The following DACH2 variants were observed in gnomAD, a reference collection of about 807,000 sequenced individuals.
DACH2 encodes dachshund homolog 2.
Under a neutral mutation model 35.8 loss-of-function variants are expected in DACH2, and 17 were observed. The ratio of observed to expected loss-of-function variants is 0.48; its 90% CI spans 0.33 to 0.71. The LOEUF (loss-of-function observed/expected upper bound fraction) is 0.71. DACH2 is among the 30% of genes least tolerant of loss of function. The pLI is 0.02. For missense variants in DACH2, 469 were observed against 472.7 expected (o/e 0.99, Z 0.07); for synonymous variants, 195 against 177.3 (o/e 1.10, Z -0.79).
At chrX:86,216,980 A>G (rs191915162) in intron 1 of DACH2, among the ~76,000 whole-genome samples, 359 of 109,840 alleles carry the variant, frequency 3.3e-3, no homozygotes, top group Middle Eastern at 9.2e-3. Flanking sequence ...AACCCCAGCT[A>G]CTCAGGAGGC....
At chrX:86,262,122 G>GAA (rs57531083) in intron 1 of DACH2, among the ~76,000 whole-genome samples, 154 of 99,363 alleles carry the variant, frequency 1.5e-3, no homozygotes, top group African/African-American at 4.9e-3. Flanking sequence ...CTCTATAAAA[G>GAA]AAAAAAAAAA....
intron 3 of DACH2, among the ~76,000 whole-genome samples, chrX:86,596,507 C>A (rs1411468545): frequency 9.0e-6 from 1 of 111,451 alleles, no homozygotes; most frequent in African/African-American, 3.3e-5. Context: ...GCCATTTGTA[C>A]ATGTTCTTTG....
At position 86,795,691 on chromosome X, in the gene DACH2, T is replaced by C. The variant is rs147716933; in HGVS notation, c.1241-17165T>C. 3.4e-3 allele frequency among the ~76,000 whole-genome samples: 376 copies of C among 112,232 alleles called. 2 individuals carry two copies. The highest frequency in any genetic ancestry group is 5.3e-3 in the Non-Finnish European group (282 of 53,236). On this transcript the variant is annotated intron_variant, in intron 7 of 11. Transcript: ENST00000373125. ...AAGCCGCGGACCCTCGCAGTGAGTG[T>C]TACAGTTTGTAAAGATGGTGTGTCC... is the stretch of plus-strand genomic sequence containing the variant.
chrX:86,326,619 G>A (rs777850549), intron 1 of DACH2, among the ~76,000 whole-genome samples: 59 of 110,453 alleles, frequency 5.3e-4, no homozygotes, highest in East Asian at 1.1e-3. Flanking sequence ...TTTGGAGTGC[G>A]AATGAATCTG....
At chrX:86,150,678 T>C (rs2030334123) in intron 1 of DACH2, among the ~76,000 whole-genome samples, 1 of 111,774 alleles carries the variant, frequency 8.9e-6, no homozygotes, top group African/African-American at 3.3e-5. Flanking sequence ...ACACAAAGGA[T>C]AACAGCTCCC....
At chrX:86,317,243 G>C in intron 1 of DACH2, among the ~76,000 whole-genome samples, 1 of 111,650 alleles carries the variant, frequency 9.0e-6, no homozygotes, top group Non-Finnish European at 1.9e-5. Flanking sequence ...CATTTAGATG[G>C]TTTGTGTTGT....
At chrX:86,456,655 C>T (rs147379731) in intron 2 of DACH2, among the ~76,000 whole-genome samples, 22 of 110,464 alleles carry the variant, frequency 2.0e-4, no homozygotes, top group Admixed American at 3.9e-4. Context: ...TTATTCCTTC[C>T]GTAATGTTCT....
chrX:86,157,267 T>G (rs1384661268), intron 1 of DACH2, among the ~76,000 whole-genome samples: 1 of 111,860 alleles, frequency 8.9e-6, no homozygotes, highest in African/African-American at 3.2e-5. Context: ...GTATATAGCA[T>G]TCGATTGCAA....
intron 3 of DACH2, among the ~76,000 whole-genome samples, chrX:86,517,466 G>C (rs945724674): frequency 9.5e-6 from 1 of 105,239 alleles, no homozygotes; most frequent in Non-Finnish European, 2.0e-5. Flanking sequence ...GCCCAGGCTG[G>C]AGTGCAGTGG....
At chrX:86,749,540 C>T (rs73510128) in intron 7 of DACH2, among the ~76,000 whole-genome samples, 3,844 of 111,164 alleles carry the variant, frequency 0.035, 184 homozygotes, top group African/African-American at 0.12. Flanking sequence ...TTATCAATTA[C>T]GTTTGCCATT....
intron 1 of DACH2, among the ~76,000 whole-genome samples, chrX:86,206,281 GA>G (rs1447327784): frequency 1.5e-3 from 154 of 102,423 alleles, no homozygotes; most frequent in Middle Eastern, 5.2e-3. Flanking sequence ...TCCAAAAGGG[GA>G]AAAAAAAAAA....
intron 3 of DACH2, among the ~76,000 whole-genome samples, chrX:86,624,851 T>C (rs12164321): frequency 0.14 from 15,960 of 110,924 alleles, 1,016 homozygotes; most frequent in South Asian, 0.36. Context: ...GATGGTATAG[T>C]GTTACTAGCA....
At chrX:86,260,991 C>A (rs1162400170) in intron 1 of DACH2, among the ~76,000 whole-genome samples, 2 of 111,736 alleles carry the variant, frequency 1.8e-5, no homozygotes, top group Non-Finnish European at 3.8e-5. Context: ...TTAACGTTGC[C>A]CAGTCTAAAT....
At chrX:86,497,126 G>A (rs1174380997) in intron 2 of DACH2, among the ~76,000 whole-genome samples, 7 of 111,756 alleles carry the variant, frequency 6.3e-5, no homozygotes, top group Non-Finnish European at 1.3e-4. Context: ...CCCTTTGTAT[G>A]GCTAATGATG....
Position 86,757,113 on chromosome X carries a change from T to C in DACH2, c.1240+17231T>C, listed in dbSNP as rs73510142. Among the ~76,000 whole-genome samples the C allele has an allele frequency of 2.5e-3, 284 of 111,861 alleles. 2 individuals are homozygous for C. The highest frequency in any genetic ancestry group is 9.0e-3 in the African/African-American group (276 of 30,827). The stretch of plus-strand genomic sequence containing the variant: ...TTTTGATTTTCTGTTTGATTCTGTT[T>C]GCTAGTATTTTGTTTAGAATTTTAT... On this transcript the variant is annotated intron_variant, in intron 7 of 11. Transcript: ENST00000373125.
At chrX:86,541,781 G>T (rs184111671) in intron 3 of DACH2, among the ~76,000 whole-genome samples, 13 of 111,407 alleles carry the variant, frequency 1.2e-4, no homozygotes, top group African/African-American at 3.9e-4. Context: ...TTATTACTCT[G>T]ATTTTGTAAA....
chrX:86,771,646 A>G (rs1218702292), intron 7 of DACH2, among the ~76,000 whole-genome samples: 2 of 112,074 alleles, frequency 1.8e-5, no homozygotes, highest in East Asian at 5.6e-4. Flanking sequence ...CATAATATTG[A>G]AAATGCAGCG....
intron 4 of DACH2, among the ~76,000 whole-genome samples, chrX:86,660,206 G>C (rs1448636947): frequency 9.0e-6 from 1 of 111,267 alleles, no homozygotes; most frequent in African/African-American, 3.3e-5. Flanking sequence ...TGAGCCAATT[G>C]TTTAGAATGG....
At chrX:86,248,625 C>T (rs1288790949) in intron 1 of DACH2, among the ~76,000 whole-genome samples, 1 of 111,047 alleles carries the variant, frequency 9.0e-6, no homozygotes, top group Non-Finnish European at 1.9e-5. Flanking sequence ...CTCCCCAAAG[C>T]AGTGTATAGA....
Sources: gnomAD v4.1 joint callset for allele counts (sites outside exome capture counted in the v4.1 genomes callset) on GRCh38, gnomAD v4.1.1 for gene constraint, MANE v1.5 for transcripts, NCBI Gene and HGNC (gene_info 2026-07-23, HGNC 2026-07-21) for gene names.